The following CHSY3 variants were observed in gnomAD, a reference collection of about 807,000 sequenced individuals.
CHSY3 encodes the protein chondroitin sulfate synthase 3.
In CHSY3, 35 loss-of-function variants were observed where a neutral mutation model predicts 67.2. That is an observed-to-expected ratio of 0.52 (90% CI 0.40 to 0.69). The LOEUF (loss-of-function observed/expected upper bound fraction) is 0.69. Ranked by LOEUF, CHSY3 falls within the 30% of genes least tolerant of loss-of-function variation. CHSY3 has a pLI of 0.00. For synonymous variants in CHSY3, 474 were observed against 434.7 expected (o/e 1.09, Z -1.12); for missense variants, 1,069 against 1,138.5 (o/e 0.94, Z 0.88).
chr5:130,041,108 T>C (rs1219404825), intron 2 of CHSY3, among the ~76,000 whole-genome samples: 1 of 152,096 alleles, frequency 6.6e-6, no homozygotes, highest in East Asian at 1.9e-4. Context: ...CTTGGAGCTC[T>C]TTCTCTGGAA....
chr5:130,162,832 C>T (rs1279429285), intron 2 of CHSY3, among the ~76,000 whole-genome samples: 1 of 152,220 alleles, frequency 6.6e-6, no homozygotes, highest in African/African-American at 2.4e-5. Context: ...ACCAATTGTA[C>T]TGTGGCTGGC....
chr5:130,177,204 AG>A (rs1770081125), intron 2 of CHSY3, among the ~76,000 whole-genome samples: 1 of 133,898 alleles, frequency 7.5e-6, no homozygotes, highest in Non-Finnish European at 1.7e-5. Context: ...TATATATATG[AG>A]TGTGTGTATA....
rs565596319 is a variant in CHSY3, at chr5:130,032,219, C to T, written c.1086+123859C>T. On this transcript the variant is annotated intron_variant, in intron 2 of 2. Coordinates refer to ENST00000305031, the MANE Select transcript of CHSY3 (RefSeq NM_175856.5). Reference sequence around the variant, plus strand: ...TCTGTTATGGCAGCCTTTATGTTTGCAAATCATTTCCCGTCACATATTATA... The same window carrying T: ...TCTGTTATGGCAGCCTTTATGTTTGTAAATCATTTCCCGTCACATATTATA... 5.9e-5 allele frequency among the ~76,000 whole-genome samples: 9 copies of T among 152,188 alleles called. No homozygotes were observed. In the South Asian group the frequency reaches 6.2e-4, roughly 11 times the overall value.
chr5:130,055,656 A>G (rs62391434), intron 2 of CHSY3, among the ~76,000 whole-genome samples: 8,486 of 152,102 alleles, frequency 0.056, 353 homozygotes, highest in Non-Finnish European at 0.082. Flanking sequence ...TATGTCCTCT[A>G]TACATCCCAA....
At chr5:130,020,462 T>TATATATATATATATATA (rs1491353527) in intron 2 of CHSY3, among the ~76,000 whole-genome samples, 6 of 15,886 alleles carry the variant, frequency 3.8e-4, no homozygotes, top group African/African-American at 7.9e-4. Context: ...TATATATATA[T>TATATATATATATATATA]TTTTTTTTTT....
At chr5:130,024,001 G>A (rs958710094) in intron 2 of CHSY3, among the ~76,000 whole-genome samples, 2 of 151,482 alleles carry the variant, frequency 1.3e-5, no homozygotes, top group Non-Finnish European at 2.9e-5. Context: ...CTAGGTATTG[G>A]TAGCAACTCT....
chr5:130,111,194 G>A lies in CHSY3; in HGVS notation c.1087-73035G>A, dbSNP rs776255054. Among the ~76,000 whole-genome samples the A allele has an allele frequency of 2.0e-4, 30 of 152,174 alleles. 1 individual carries two copies. Among genetic ancestry groups the A allele is most frequent in the Admixed American group, 7.9e-4 (12 of 15,254 alleles). On this transcript the variant is annotated intron_variant, in intron 2 of 2. Coordinates refer to ENST00000305031, the MANE Select transcript of CHSY3 (RefSeq NM_175856.5). The stretch of plus-strand genomic sequence containing the variant: ...GTGTTTCAGTCAAGTACAAATCCCC[G>A]TAGTCATGGATCTTCAGGATGAAAA...
At chr5:130,026,633 T>C (rs2149657291) in intron 2 of CHSY3, among the ~76,000 whole-genome samples, 1 of 152,302 alleles carries the variant, frequency 6.6e-6, no homozygotes, top group East Asian at 1.9e-4. Context: ...AAATGGGATC[T>C]TACTGCCCTT....
intron 2 of CHSY3, among the ~76,000 whole-genome samples, chr5:130,071,536 A>AG (rs1766065689): frequency 1.2e-5 from 1 of 81,680 alleles, no homozygotes; most frequent in African/African-American, 6.1e-5. Context: ...ATAGTAGTTC[A>AG]TTGTGTGTGT....
rs1005216301 is a variant in CHSY3, at chr5:130,061,305, G to C, written c.1087-122924G>C. ...TTGACAAAGTTGACAAAAATAAACA[G>C]TGGGGAAAGGACACCTTATTCAATA... On this transcript the variant is annotated intron_variant, in intron 2 of 2. Transcript: ENST00000305031. Among the ~76,000 whole-genome samples, 9 of 152,074 alleles carry C rather than the reference G, an allele frequency of 5.9e-5. 1 individual carries two copies. The highest frequency in any genetic ancestry group is 1.3e-4 in the Non-Finnish European group (9 of 67,968).
At chr5:130,067,689 A>C (rs1446698447) in intron 2 of CHSY3, among the ~76,000 whole-genome samples, 1 of 152,116 alleles carries the variant, frequency 6.6e-6, no homozygotes, top group Non-Finnish European at 1.5e-5. Context: ...TAAGATGAGA[A>C]TAGGTTAGAA....
intron 2 of CHSY3, among the ~76,000 whole-genome samples, chr5:129,951,088 A>G (rs1762011649): frequency 6.6e-6 from 1 of 152,206 alleles, no homozygotes; most frequent in Non-Finnish European, 1.5e-5. Flanking sequence ...AATGAACCCA[A>G]GCATTTATGG....
intron 2 of CHSY3, among the ~76,000 whole-genome samples, chr5:130,159,161 CTT>C (rs33919002): frequency 0.037 from 3,645 of 98,612 alleles, 108 homozygotes; most frequent in African/African-American, 0.12. Flanking sequence ...TAAGATTTGT[CTT>C]TTTTTTTTTT....
intron 2 of CHSY3, among the ~76,000 whole-genome samples, chr5:130,071,206 A>G (rs77403359): frequency 0.013 from 1,991 of 152,166 alleles, 35 homozygotes; most frequent in African/African-American, 0.045. Context: ...ATTGTTTTGT[A>G]GCTAACTTTG....
At chr5:130,140,755 A>G (rs555067660) in intron 2 of CHSY3, 1 of 244,960 alleles carries the variant, frequency 4.1e-6, no homozygotes, top group Non-Finnish European at 7.7e-6. Flanking sequence ...CTGAGTTCAC[A>G]CACAAGCACA....
chr5:130,183,685 T>C (rs1770317728), intron 2 of CHSY3, among the ~76,000 whole-genome samples: 1 of 152,146 alleles, frequency 6.6e-6, no homozygotes, highest in Non-Finnish European at 1.5e-5. Context: ...CACTCATATA[T>C]AGAAATCAAA....
chr5:130,160,909 A>AT (rs760822099), intron 2 of CHSY3, among the ~76,000 whole-genome samples: 6,535 of 135,970 alleles, frequency 0.048, 372 homozygotes, highest in East Asian at 0.26. Flanking sequence ...TTTTTTTTTT[A>AT]TTTTTTTTTT....
At chr5:130,176,276 G>A (rs897299501) in intron 2 of CHSY3, among the ~76,000 whole-genome samples, 11 of 152,134 alleles carry the variant, frequency 7.2e-5, no homozygotes. Context: ...GGTCATTAGA[G>A]AAATGCAAAT....
intron 2 of CHSY3, among the ~76,000 whole-genome samples, chr5:130,018,540 T>A (rs1447825357): frequency 6.6e-6 from 1 of 152,232 alleles, no homozygotes; most frequent in Non-Finnish European, 1.5e-5. Flanking sequence ...TTCTACATAT[T>A]TTCTCATTAC....
Sources: allele counts gnomAD v4.1 joint callset (sites outside exome capture counted in the v4.1 genomes callset), GRCh38; gene constraint gnomAD v4.1.1; transcripts MANE v1.5; gene names NCBI Gene and HGNC (gene_info 2026-07-23, HGNC 2026-07-21).